LNPEP: variants seen among roughly 807,000 people sequenced by gnomAD.
LNPEP encodes the protein leucyl-cystinyl aminopeptidase.
A neutral mutation model predicts 120.6 loss-of-function variants in LNPEP; 64 were observed. The observed-to-expected ratio is 0.53, with a 90% CI of 0.43 to 0.65. LNPEP has a LOEUF of 0.65. Among genes scored for constraint, LNPEP ranks in the 30% least tolerant of loss-of-function variants. The pLI, the probability that LNPEP is intolerant of heterozygous loss-of-function variation, is 0.00. For missense variants in LNPEP, 1,057 were observed against 1,200.0 expected, an observed-to-expected ratio of 0.88 and a Z score of 1.76; for synonymous variants, 435 against 425.4, an observed-to-expected ratio of 1.02 and a Z score of -0.28.
intron 1 of LNPEP, among the ~76,000 whole-genome samples, chr5:96,954,340 T>A (rs1354403059): frequency 6.6e-6 from 1 of 152,160 alleles, no homozygotes; most frequent in Non-Finnish European, 1.5e-5. Context: ...TACCTTGAAA[T>A]ACTTACTGAC....
chr5:96,970,869 C>G (rs1447319480), intron 1 of LNPEP, among the ~76,000 whole-genome samples: 1 of 151,874 alleles, frequency 6.6e-6, no homozygotes, highest in Non-Finnish European at 1.5e-5. Context: ...TTTAAGCATA[C>G]AGTTTTTAAA....
chr5:97,002,959 C>T (rs1790688927), intron 8 of LNPEP, among the ~76,000 whole-genome samples: 1 of 152,144 alleles, frequency 6.6e-6, no homozygotes, highest in African/African-American at 2.4e-5. Flanking sequence ...AAATTAATGA[C>T]CTACCTAGCA....
rs775349816 is a variant in LNPEP, at chr5:96,936,190, A to C, written c.19+16A>C. 256 of 1,440,200 alleles carry C rather than the reference A, an allele frequency of 1.8e-4. 1 individual carries two copies. In the South Asian group the frequency reaches 2.7e-3, roughly 15 times the overall value. 89.2% of individuals were successfully genotyped at this position (1,440,200 alleles called of 1,614,324 possible). ...TTCACCAATGGTGAGTGGGCTGCCG[A>C]GGCGCCGGGACCCGGGCTCTCCGGA... On this transcript the variant is annotated intron_variant, in intron 1 of 17. Transcript: ENST00000231368.
chr5:96,989,325 TATA>T (rs1192310033), intron 4 of LNPEP, among the ~76,000 whole-genome samples: 2 of 21,442 alleles, frequency 9.3e-5, no homozygotes, highest in African/African-American at 3.6e-4. Flanking sequence ...ATATATAATA[TATA>T]ATTATATATA....
At chr5:96,998,389 C>T (rs910398064) in intron 8 of LNPEP, among the ~76,000 whole-genome samples, 11 of 151,862 alleles carry the variant, frequency 7.2e-5, no homozygotes, top group African/African-American at 1.9e-4. Flanking sequence ...GATCTTATAG[C>T]GATGCATCTT....
intron 1 of LNPEP, among the ~76,000 whole-genome samples, chr5:96,976,477 T>C (rs1789998999): frequency 6.6e-6 from 1 of 152,178 alleles, no homozygotes. Context: ...AGAATATCTC[T>C]TGGCTTTAAA....
intron 8 of LNPEP, among the ~76,000 whole-genome samples, chr5:97,001,421 G>A (rs112843207): frequency 6.6e-6 from 1 of 152,272 alleles, no homozygotes; most frequent in Admixed American, 6.5e-5. Flanking sequence ...GGGAAAGAAG[G>A]GGGAAGAAAC....
rs769751468 is a variant in LNPEP at position 97,015,106 on chromosome 5, CT to C, written c.2376+16del. ...GCCTCAAGACTGGTGGTAAGTCTGC[CT>C]TTTTGCCAGCTTCTTGCTGTTTATC... On this transcript the variant is annotated intron_variant, in intron 13 of 17. Transcript: ENST00000231368. 1.3e-6 allele frequency: 2 copies of C among 1,513,298 alleles called. No individual in the cohort carries two copies. The highest frequency in any genetic ancestry group is 2.1e-5 in the Admixed American group (1 of 46,646). 93.7% of individuals were successfully genotyped at this position (1,513,298 alleles called of 1,614,324 possible). A position where few individuals can be genotyped will look rare whatever the true frequency, so the allele number is the denominator to read the frequency against.
chr5:96,963,553 A>T (rs951880783), intron 1 of LNPEP, among the ~76,000 whole-genome samples: 13 of 152,104 alleles, frequency 8.5e-5, no homozygotes, highest in African/African-American at 3.1e-4. Context: ...ATTTCTTCTC[A>T]TGGGGCTCTC....
In LNPEP at chr5:97,003,438, G is replaced by A; in HGVS notation, c.1677G>A (p.Leu559=). 1 of 1,568,748 alleles carries A rather than the reference G, an allele frequency of 6.4e-7. No homozygotes were observed. Among genetic ancestry groups the A allele is most frequent in the Non-Finnish European group, 8.7e-7 (1 of 1,150,418 alleles). Residue 559 remains leucine, a synonymous_variant, in exon 9 of 18, where the codon TTG becomes TTA. Coordinates refer to ENST00000231368, the MANE Select transcript of LNPEP (RefSeq NM_005575.3). ...AGGGATCTTCTCTCTTGTTGATGTT[G>A]AAAACTTACCTTAGTGAAGATGTGT... ...YFKGSSLLLM[L]KTYLSEDVFQ...
At chr5:96,943,015 G>T (rs1789096898) in intron 1 of LNPEP, 2 of 181,040 alleles carry the variant, frequency 1.1e-5, no homozygotes. Context: ...CCAAGACTTT[G>T]AGAAACATTA....
rs71617155 is a variant in LNPEP at position 96,942,652 on chromosome 5, C to CA, written c.19+6497dup. ...CTGGTGACAGAGCGAGACTCCATCT[C>CA]AAAAAAAAAAAAAAAAAAATACGAG... On this transcript the variant is annotated intron_variant, in intron 1 of 17. Transcript: ENST00000231368. Among the ~76,000 whole-genome samples the CA allele has an allele frequency of 2.9e-3, 272 of 94,490 alleles. 2 individuals are homozygous for CA. Among genetic ancestry groups the CA allele is most frequent in the Middle Eastern group, 5.8e-3 (1 of 172 alleles). The allele number at this position is 94,490 out of a possible 152,430, so 62.0% of individuals were successfully genotyped here. A position where few individuals can be genotyped will look rare whatever the true frequency, so the allele number is the denominator to read the frequency against.
intron 2 of LNPEP, among the ~76,000 whole-genome samples, chr5:96,982,349 T>C (rs980381147): frequency 6.6e-6 from 1 of 152,214 alleles, no homozygotes. Flanking sequence ...TGTTCAACTT[T>C]AGTATTTCAG....
intron 13 of LNPEP, among the ~76,000 whole-genome samples, chr5:97,016,858 G>A (rs889208027): frequency 6.6e-6 from 1 of 152,140 alleles, no homozygotes; most frequent in Non-Finnish European, 1.5e-5. Flanking sequence ...ACTTTCTAGT[G>A]TTAGTGTAGT....
intron 13 of LNPEP, among the ~76,000 whole-genome samples, chr5:97,020,960 G>A (rs31398): frequency 0.55 from 83,881 of 151,918 alleles, 23,237 homozygotes; most frequent in East Asian, 0.62. Context: ...GAAATACTTC[G>A]ACATGGTATT....
intron 1 of LNPEP, among the ~76,000 whole-genome samples, chr5:96,958,157 T>A (rs1459589781): frequency 6.6e-6 from 1 of 152,228 alleles, no homozygotes; most frequent in Non-Finnish European, 1.5e-5. Flanking sequence ...CTGTGTGTTT[T>A]GCTTCAGCAA....
rs1791437825 is a variant in LNPEP at position 97,030,016 on chromosome 5, T to A, written c.*1483T>A. On this transcript the variant is annotated 3_prime_UTR_variant, in exon 18 of 18. Coordinates refer to ENST00000231368, the MANE Select transcript of LNPEP (RefSeq NM_005575.3). Reference sequence around the variant, plus strand: ...GGGTATTTACCCATTTGTGAGCACTTAAAACACTCCACAGAGTCAGACAGT... The same window carrying A: ...GGGTATTTACCCATTTGTGAGCACTAAAAACACTCCACAGAGTCAGACAGT... The A allele has an allele frequency of 6.6e-6, 1 of 152,148 alleles. No homozygotes were observed. The highest frequency in any genetic ancestry group is 1.5e-5 in the Non-Finnish European group (1 of 67,998). 9.4% of individuals were successfully genotyped at this position (152,148 alleles called of 1,614,324 possible). A position where few individuals can be genotyped will look rare whatever the true frequency, so the allele number is the denominator to read the frequency against.
chr5:96,975,174 C>T (rs982726930), intron 1 of LNPEP, among the ~76,000 whole-genome samples: 4 of 152,140 alleles, frequency 2.6e-5, no homozygotes, highest in Admixed American at 6.6e-5. Context: ...AGGATTTTAA[C>T]GTCTACCTAA....
rs1791577641 is a variant in LNPEP at position 97,036,667 on chromosome 5, G to A, written c.*8134G>A. 6.6e-6 allele frequency: 1 copy of A among 152,084 alleles called. No individual in the cohort carries two copies. Among genetic ancestry groups the A allele is most frequent in the South Asian group, 2.1e-4 (1 of 4,814 alleles). The allele number at this position is 152,084 out of a possible 1,614,324, so 9.4% of individuals were successfully genotyped here. A position where few individuals can be genotyped will look rare whatever the true frequency, so the allele number is the denominator to read the frequency against. On this transcript the variant is annotated 3_prime_UTR_variant, in exon 18 of 18. Coordinates refer to ENST00000231368, the MANE Select transcript of LNPEP (RefSeq NM_005575.3). The stretch of plus-strand genomic sequence containing the variant: ...CCCATTTCTGATACTACTACTCCAT[G>A]CTGAAGATTTGCCATATTACTATTT...
Sources: gnomAD v4.1 joint callset for allele counts (sites outside exome capture counted in the v4.1 genomes callset) on GRCh38, gnomAD v4.1.1 for gene constraint, MANE v1.5 for transcripts, NCBI Gene and HGNC (gene_info 2026-07-23, HGNC 2026-07-21) for gene names.